The following DENND2A variants were observed in gnomAD, a reference collection of about 807,000 sequenced individuals.
DENND2A encodes the protein DENN domain containing 2A.
A neutral mutation model predicts 105.3 loss-of-function variants in DENND2A; 53 were observed. The observed-to-expected ratio is 0.50, with a 90% confidence interval of 0.40 to 0.63. DENND2A has a LOEUF of 0.63. Ranked by LOEUF, DENND2A falls within the 30% of genes least tolerant of loss-of-function variation. The pLI is 0.00. For synonymous variants in DENND2A, 522 were observed against 508.4 expected, an observed-to-expected ratio of 1.03 and a Z score of -0.36; for missense variants, 1,138 against 1,279.6, an observed-to-expected ratio of 0.89 and a Z score of 1.69.
At chr7:140,630,674 G>A (rs1298259400) in intron 1 of DENND2A, among the ~76,000 whole-genome samples, 2 of 151,978 alleles carry the variant, frequency 1.3e-5, no homozygotes, top group Non-Finnish European at 2.9e-5. Context: ...GTGAAAGCCT[G>A]TTTCTACTAA....
intron 3 of DENND2A, among the ~76,000 whole-genome samples, chr7:140,597,290 C>A (rs577969803): frequency 6.6e-6 from 1 of 152,270 alleles, no homozygotes; most frequent in African/African-American, 2.4e-5. Flanking sequence ...AAATTTGAAA[C>A]CCTCATAACC....
chr7:140,525,271 A>C (rs921601872), intron 16 of DENND2A, among the ~76,000 whole-genome samples: 14 of 149,040 alleles, frequency 9.4e-5, no homozygotes, highest in African/African-American at 3.5e-4. Context: ...TCTCCTGTCT[A>C]AGCCTCCCAA....
At chr7:140,625,808 G>A (rs764651528) in intron 1 of DENND2A, among the ~76,000 whole-genome samples, 12 of 152,164 alleles carry the variant, frequency 7.9e-5, no homozygotes, top group Admixed American at 5.2e-4. Flanking sequence ...CTAACAAAAT[G>A]TATATAACCT....
chr7:140,549,180 C>T (rs10267752), intron 12 of DENND2A, among the ~76,000 whole-genome samples: 20 of 151,534 alleles, frequency 1.3e-4, no homozygotes, highest in Middle Eastern at 3.4e-3. Flanking sequence ...GGGCTGAGAT[C>T]GCGCCATTGC....
At chr7:140,635,950 T>C (rs1351462442) in intron 1 of DENND2A, among the ~76,000 whole-genome samples, 1 of 152,180 alleles carries the variant, frequency 6.6e-6, no homozygotes, top group Non-Finnish European at 1.5e-5. Flanking sequence ...CTTTTGCATA[T>C]GAAAAGTAGA....
At chr7:140,536,877 G>T (rs921653382) in intron 14 of DENND2A, among the ~76,000 whole-genome samples, 4 of 151,830 alleles carry the variant, frequency 2.6e-5, no homozygotes, top group Non-Finnish European at 5.9e-5. Context: ...TGGCCAGGCT[G>T]GTCTCGAATT....
intron 11 of DENND2A, among the ~76,000 whole-genome samples, chr7:140,556,786 C>T (rs1291286781): frequency 6.6e-6 from 1 of 151,836 alleles, no homozygotes; most frequent in Non-Finnish European, 1.5e-5. Flanking sequence ...TATACTTGAC[C>T]CTAAAGTTTT....
intron 6 of DENND2A, among the ~76,000 whole-genome samples, chr7:140,572,978 G>A (rs1798157400): frequency 6.6e-6 from 1 of 152,064 alleles, no homozygotes; most frequent in South Asian, 2.1e-4. Context: ...TATCAGCAGC[G>A]ATGGGGAGTT....
At position 140,567,202 on chromosome 7, in the gene DENND2A, C is replaced by T. The variant is rs773541019; in HGVS notation, c.1663G>A (p.Glu555Lys). The change falls in exon 9 of 20, where the codon GAA becomes AAA. Residue 555 changes from glutamate to lysine, a missense_variant. Transcript: ENST00000496613. ...QAPRYPSLAR[E>K]LIEYQERQLF... ...TGCCTCTCCTGGTACTCGATGAGTT[C>T]CCGGGCAAGTGATGGGTACCGAGGC... 1.2e-6 allele frequency: 2 copies of T among 1,613,800 alleles called. No homozygotes were observed. The highest frequency in any genetic ancestry group is 2.2e-5 in the East Asian group (1 of 44,880).
At position 140,601,818 on chromosome 7, in the gene DENND2A, T is replaced by C. The variant is rs370796734; in HGVS notation, c.580A>G (p.Lys194Glu). ...GGAAGGGTGGACCCTGCCTCTGCCTTGTCAGGAGGGCAGTGTGGGGAGTAA... is the reference window on the plus strand; with the variant it reads ...GGAAGGGTGGACCCTGCCTCTGCCTCGTCAGGAGGGCAGTGTGGGGAGTAA... ...TCYSPHCPPDKAEAGSTLPEN... is the reference protein window; with the variant it reads ...TCYSPHCPPDEAEAGSTLPEN... Residue 194 changes from lysine to glutamate, a missense_variant, in exon 3 of 20, where the codon AAG becomes GAG. Coordinates refer to ENST00000496613, the MANE Select transcript of DENND2A (RefSeq NM_015689.5). The C allele has an allele frequency of 1.2e-5, 20 of 1,613,932 alleles. No individual in the cohort carries two copies. Among genetic ancestry groups the C allele is most frequent in the Non-Finnish European group, 1.7e-5 (20 of 1,180,016 alleles).
intron 12 of DENND2A, among the ~76,000 whole-genome samples, chr7:140,550,651 C>A: frequency 6.6e-6 from 1 of 151,924 alleles, no homozygotes; most frequent in East Asian, 2.0e-4. Flanking sequence ...TAGTAGAGAT[C>A]GGGTTTCACC....
intron 1 of DENND2A, among the ~76,000 whole-genome samples, chr7:140,613,572 T>G (rs1328247887): frequency 6.7e-6 from 1 of 149,444 alleles, no homozygotes; most frequent in Non-Finnish European, 1.5e-5. Context: ...CACTCTAGCC[T>G]GGGCAACACA....
At chr7:140,574,242 G>A (rs2130612998) in intron 5 of DENND2A, among the ~76,000 whole-genome samples, 1 of 151,970 alleles carries the variant, frequency 6.6e-6, no homozygotes, top group South Asian at 2.1e-4. Flanking sequence ...TTTTTGAGAT[G>A]GAATCTTACT....
intron 1 of DENND2A, among the ~76,000 whole-genome samples, chr7:140,623,403 A>G (rs1211869896): frequency 1.3e-5 from 2 of 150,450 alleles, no homozygotes; most frequent in Non-Finnish European, 2.9e-5. Context: ...GTAAGGCTGT[A>G]GTCAGGAGAC....
At position 140,587,753 on chromosome 7, in the gene DENND2A, C is replaced by G. The variant is rs754576306; in HGVS notation, c.1023G>C (p.Leu341=). The G allele has an allele frequency of 3.7e-6, 6 of 1,604,780 alleles. No homozygotes were observed. The highest frequency in any genetic ancestry group is 5.1e-6 in the Non-Finnish European group (6 of 1,173,246). ...HRKSYEFEDL[L]QSSSESSRVD... is the part of the protein sequence containing the mutation. Reference sequence around the variant, plus strand: ...CCCTGCTGCTCTCAGAGGAAGACTGCAGTAAATCTTCAAACTCATAGGACT... The same window carrying G: ...CCCTGCTGCTCTCAGAGGAAGACTGGAGTAAATCTTCAAACTCATAGGACT... Residue 341 remains leucine (L), a synonymous_variant, in exon 4 of 20, where the codon CTG becomes CTC. Coordinates refer to ENST00000496613, the MANE Select transcript of DENND2A (RefSeq NM_015689.5).
chr7:140,533,055 G>A lies in DENND2A; in HGVS notation c.2328-5560C>T, dbSNP rs941041699. ...TTGCCAGGCTGGAGTGCGGTGGCAC[G>A]ATCTCTGCCCATTGCAACCTCTGCC... is the stretch of plus-strand genomic sequence containing the variant. On this transcript the variant is annotated intron_variant, in intron 14 of 19. Coordinates refer to ENST00000496613, the MANE Select transcript of DENND2A (RefSeq NM_015689.5). Among the ~76,000 whole-genome samples, 12 of 141,052 alleles carry A rather than the reference G, an allele frequency of 8.5e-5. No homozygotes were observed. In the East Asian group the frequency reaches 1.0e-3, roughly 12 times the overall value. 92.5% of individuals were successfully genotyped at this position (141,052 alleles called of 152,430 possible).
At chr7:140,541,344 T>C (rs1466877720) in intron 14 of DENND2A, among the ~76,000 whole-genome samples, 6 of 152,112 alleles carry the variant, frequency 3.9e-5, no homozygotes, top group Admixed American at 3.9e-4. Context: ...TTCCCAGACA[T>C]CTTCTCAGGG....
At chr7:140,629,114 A>C (rs145046938) in intron 1 of DENND2A, among the ~76,000 whole-genome samples, 1 of 152,334 alleles carries the variant, frequency 6.6e-6, no homozygotes, top group African/African-American at 2.4e-5. Context: ...AGAGGAATCC[A>C]TGAAGATCTA....
chr7:140,594,296 C>T (rs374200553), intron 3 of DENND2A, among the ~76,000 whole-genome samples: 2 of 152,194 alleles, frequency 1.3e-5, no homozygotes, highest in African/African-American at 4.8e-5. Context: ...AAATCCACAC[C>T]TTGTGTATAG....
Sources: gnomAD v4.1 joint callset for allele counts (sites outside exome capture counted in the v4.1 genomes callset) on GRCh38, gnomAD v4.1.1 for gene constraint, MANE v1.5 for transcripts, NCBI Gene and HGNC (gene_info 2026-07-23, HGNC 2026-07-21) for gene names.